Variants in CERS3 observed in about 807,000 individuals in gnomAD.
The protein encoded by CERS3 is ceramide synthase 3, also known as LAG1 homolog, ceramide synthase 3.
CERS3 carries 33 observed loss-of-function variants against 50.3 expected under a neutral mutation model. The ratio of observed to expected loss-of-function variants is 0.66; its 90% CI spans 0.50 to 0.88. The LOEUF (loss-of-function observed/expected upper bound fraction) is 0.88. Ranked by LOEUF, CERS3 falls within the 40% of genes least tolerant of loss-of-function variation. CERS3 has a pLI of 0.00. For missense variants in CERS3, 470 were observed against 460.3 expected (o/e 1.02, Z -0.19); for synonymous variants, 176 against 155.2 (o/e 1.13, Z -0.99).
upstream of CERS3, among the ~76,000 whole-genome samples, chr15:100,532,927 T>C (rs2036974002): frequency 2.6e-5 from 4 of 152,180 alleles, no homozygotes; most frequent in African/African-American, 9.7e-5. Flanking sequence ...CTATGTCTTA[T>C]TGTCATAAAG....
chr15:100,533,693 G>A (rs572659772), upstream of CERS3, among the ~76,000 whole-genome samples: 25 of 151,688 alleles, frequency 1.6e-4, no homozygotes, highest in South Asian at 5.2e-3. Flanking sequence ...AAGTAGCTGG[G>A]ATTACAGGCA....
intron 11 of CERS3, among the ~76,000 whole-genome samples, chr15:100,434,203 A>T (rs2033282224): frequency 1.3e-5 from 2 of 152,220 alleles, no homozygotes; most frequent in Admixed American, 6.5e-5. Context: ...GGCCCATTGG[A>T]AAGGACAGGC....
chr15:100,432,408 C>T (rs764791907), intron 11 of CERS3, among the ~76,000 whole-genome samples: 2 of 152,198 alleles, frequency 1.3e-5, no homozygotes, highest in Non-Finnish European at 2.9e-5. Context: ...CAGCACCAGA[C>T]AATTCCCCAG....
At chr15:100,505,587 C>T (rs2036152171) in intron 2 of CERS3, among the ~76,000 whole-genome samples, 1 of 152,220 alleles carries the variant, frequency 6.6e-6, no homozygotes, top group South Asian at 2.1e-4. Context: ...CCATTCTTCA[C>T]ATCATACTCA....
intron 5 of CERS3, among the ~76,000 whole-genome samples, chr15:100,480,544 A>T (rs2035266271): frequency 6.6e-6 from 1 of 152,176 alleles, no homozygotes; most frequent in Non-Finnish European, 1.5e-5. Context: ...GATTTTCCTC[A>T]TGTATGGAGA....
chr15:100,476,622 G>T (rs2035135619), intron 7 of CERS3, among the ~76,000 whole-genome samples: 2 of 152,118 alleles, frequency 1.3e-5, no homozygotes, highest in Admixed American at 1.3e-4. Flanking sequence ...GTCAGAATTA[G>T]CCCATTCTAA....
At chr15:100,510,319 G>A (rs1456446722) in intron 2 of CERS3, among the ~76,000 whole-genome samples, 1 of 152,028 alleles carries the variant, frequency 6.6e-6, no homozygotes, top group Non-Finnish European at 1.5e-5. Context: ...ATACTGTAAT[G>A]AAGAGGAGCA....
At chr15:100,442,808 G>C (rs921038873) in intron 11 of CERS3, among the ~76,000 whole-genome samples, 2 of 151,836 alleles carry the variant, frequency 1.3e-5, no homozygotes, top group Admixed American at 6.5e-5. Flanking sequence ...CATCACGGAC[G>C]CCGAGCTGCC....
chr15:100,421,594 A>C (rs1411370175), intron 11 of CERS3, among the ~76,000 whole-genome samples: 4 of 149,168 alleles, frequency 2.7e-5, no homozygotes, highest in African/African-American at 9.8e-5. Flanking sequence ...TTTAAAGTTC[A>C]TATGGAACCA....
At chr15:100,445,138 C>T (rs150391580) in intron 11 of CERS3, among the ~76,000 whole-genome samples, 16,244 of 148,356 alleles carry the variant, frequency 0.11, 1,385 homozygotes, top group Admixed American at 0.2. Flanking sequence ...CTACAAGGTA[C>T]AGCCCATTTG....
At chr15:100,497,763 T>A (rs1040047075) in intron 3 of CERS3, among the ~76,000 whole-genome samples, 1 of 151,894 alleles carries the variant, frequency 6.6e-6, no homozygotes, top group Non-Finnish European at 1.5e-5. Flanking sequence ...GTTAAAATCA[T>A]TAATTTAAAC....
In CERS3 at chr15:100,402,574, T is replaced by G; in HGVS notation, c.*139A>C. ...TTAACACAAGTTAACAACATTTTGG[T>G]AAACACATCTTAGGTGGGAGGGAAG... is the stretch of plus-strand genomic sequence containing the variant. On this transcript the variant is annotated 3_prime_UTR_variant, in exon 12 of 12. Transcript: ENST00000679737. 3 of 774,418 alleles carry G rather than the reference T, an allele frequency of 3.9e-6. No homozygotes were observed. The highest frequency in any genetic ancestry group is 6.1e-6 in the Non-Finnish European group (3 of 492,216). The allele number at this position is 774,418 out of a possible 1,614,324, so 48.0% of individuals were successfully genotyped here. A position where few individuals can be genotyped will look rare whatever the true frequency, so the allele number is the denominator to read the frequency against.
At chr15:100,411,793 G>T (rs1232801420) in intron 11 of CERS3, among the ~76,000 whole-genome samples, 1 of 152,002 alleles carries the variant, frequency 6.6e-6, no homozygotes, top group Non-Finnish European at 1.5e-5. Flanking sequence ...TTTTTTAATA[G>T]TAACCCTCCT....
At chr15:100,474,336 T>C (rs1221171644) in intron 8 of CERS3, among the ~76,000 whole-genome samples, 2 of 152,232 alleles carry the variant, frequency 1.3e-5, no homozygotes, top group Non-Finnish European at 2.9e-5. Context: ...AGCTTCCTCA[T>C]AGCCAAAGTA....
intron 11 of CERS3, among the ~76,000 whole-genome samples, chr15:100,417,079 C>T (rs958663285): frequency 2.0e-5 from 3 of 152,150 alleles, no homozygotes; most frequent in African/African-American, 7.2e-5. Context: ...AGTGGAGGAG[C>T]CAAGATGTCC....
Position 100,452,979 on chromosome 15 carries a change from A to C in CERS3, c.999+2914T>G, listed in dbSNP as rs912679100. ...CAGAAAACCTGAACAGACCAATAAA[A>C]AGTAAAGAGATTGGATCAGTAATAA... On this transcript the variant is annotated intron_variant, in intron 11 of 11. Coordinates refer to ENST00000679737, the MANE Select transcript of CERS3 (RefSeq NM_001378789.1). Among the ~76,000 whole-genome samples the C allele has an allele frequency of 2.9e-4, 44 of 152,078 alleles. 1 individual carries two copies. Among genetic ancestry groups the C allele is most frequent in the Non-Finnish European group, 2.6e-4 (18 of 68,000 alleles).
At chr15:100,497,189 A>G (rs1371362704) in intron 3 of CERS3, among the ~76,000 whole-genome samples, 2 of 152,110 alleles carry the variant, frequency 1.3e-5, no homozygotes, top group Non-Finnish European at 2.9e-5. Context: ...GGAGTAGTGC[A>G]TGGGGAAAAA....
At chr15:100,521,988 T>G (rs1413397785) in intron 1 of CERS3, among the ~76,000 whole-genome samples, 1 of 152,102 alleles carries the variant, frequency 6.6e-6, no homozygotes, top group African/African-American at 2.4e-5. Context: ...ATTTGCAGCT[T>G]CACTCAGAAA....
intron 2 of CERS3, among the ~76,000 whole-genome samples, chr15:100,504,796 A>G (rs1364784020): frequency 6.6e-6 from 1 of 152,184 alleles, no homozygotes; most frequent in East Asian, 1.9e-4. Flanking sequence ...GAATTGATCA[A>G]CTTTCATGGT....
Sources: gnomAD v4.1 joint callset for allele counts (sites outside exome capture counted in the v4.1 genomes callset) on GRCh38, gnomAD v4.1.1 for gene constraint, MANE v1.5 for transcripts, NCBI Gene and HGNC (gene_info 2026-07-23, HGNC 2026-07-21) for gene names.